The following MANEAL variants were observed in gnomAD, a reference collection of about 807,000 sequenced individuals.
MANEAL encodes the protein glycoprotein endo-alpha-1,2-mannosidase-like protein.
A neutral mutation model predicts 35.9 loss-of-function variants in MANEAL; 28 were observed. The ratio of observed to expected loss-of-function variants is 0.78; its 90% CI spans 0.58 to 1.07. The LOEUF (loss-of-function observed/expected upper bound fraction) is 1.07. MANEAL is among the 50% of genes least tolerant of loss of function. The pLI is 0.00. For synonymous variants in MANEAL, 286 were observed against 272.2 expected (o/e 1.05, Z -0.50); for missense variants, 576 against 629.6 (o/e 0.91, Z 0.91).
Position 37,799,528 on chromosome 1 carries a change from C to A in MANEAL, c.738-39C>A. On this transcript the variant is annotated intron_variant, in intron 3 of 3. Coordinates refer to ENST00000373045, the MANE Select transcript of MANEAL (RefSeq NM_001113482.2). The surrounding 1 kb of genome is among the most constrained non-coding windows in gnomAD (Gnocchi z 4.1). ...CGGGAGGTCCTACAGCTGTGCTGGT[C>A]TCTCCCATCCAGCTGAGGCTCTTCT... 6.3e-7 allele frequency: 1 copy of A among 1,588,238 alleles called. No individual in the cohort carries two copies. The highest frequency in any genetic ancestry group is 1.1e-5 in the South Asian group (1 of 87,520).
Position 37,794,300 on chromosome 1 carries a change from C to G in MANEAL, c.118C>G (p.Pro40Ala). 1 of 1,212,328 alleles carries G rather than the reference C, an allele frequency of 8.2e-7. No individual in the cohort carries two copies. The highest frequency in any genetic ancestry group is 1.0e-6 in the Non-Finnish European group (1 of 966,092). 75.1% of individuals were successfully genotyped at this position (1,212,328 alleles called of 1,614,324 possible). Residue 40 changes from proline to alanine, a missense_variant, in exon 1 of 4, where the codon CCG (proline) becomes GCG (alanine). Transcript: ENST00000373045. This position sits in a 1 kb window ranked among gnomAD's most constrained non-coding sequence, Gnocchi z 5.7. ...TCCGGACGGACTCCCGGCGCTGGGCCCGGGCCTGGAGCTGGCGCCCTTTGA... is the reference window on the plus strand; with the variant it reads ...TCCGGACGGACTCCCGGCGCTGGGCGCGGGCCTGGAGCTGGCGCCCTTTGA... Reference protein sequence around the residue: ...KAPDGLPALGPGLELAPFERR... With the variant: ...KAPDGLPALGAGLELAPFERR...
chr1:37,795,493 A>G (rs1646637832), intron 1 of MANEAL: 7 of 1,339,112 alleles, frequency 5.2e-6, no homozygotes, highest in South Asian at 4.6e-5. Context: ...GAGGCAGTCT[A>G]AAGCCTGGCT....
chr1:37,794,676 C>T lies in MANEAL; in HGVS notation c.494C>T (p.Ser165Phe), dbSNP rs764875842. ...SFYPELGPYS[S>F]RDPEVLREHM... ...TACCCGGAGCTGGGGCCCTACAGCT[C>T]CCGGGACCCCGAAGTGCTGCGGGAG... Residue 165 changes from serine to phenylalanine, a missense_variant, in exon 1 of 4, where the codon TCC becomes TTC. Ser to Phe is a radical substitution (Grantham distance 155). Coordinates refer to ENST00000373045, the MANE Select transcript of MANEAL (RefSeq NM_001113482.2). This position sits in a 1 kb window ranked among gnomAD's most constrained non-coding sequence, Gnocchi z 5.7. The T allele has an allele frequency of 3.0e-5, 49 of 1,608,678 alleles. No individual in the cohort carries two copies. The highest frequency in any genetic ancestry group is 5.3e-5 in the African/African-American group (4 of 74,848).
At position 37,794,137 on chromosome 1, in the gene MANEAL, G is replaced by T. The variant is rs1557571920; in HGVS notation, c.-46G>T. On this transcript the variant is annotated 5_prime_UTR_variant, in exon 1 of 4. Coordinates refer to ENST00000373045, the MANE Select transcript of MANEAL (RefSeq NM_001113482.2). The surrounding 1 kb of genome is among the most constrained non-coding windows in gnomAD (Gnocchi z 5.7). Reference sequence around the variant, plus strand: ...CGGCCGGGCGGGCGGCCATGGCGCGGCACGCTGGGAGGTAGCGCGGCGGCT... The same window carrying T: ...CGGCCGGGCGGGCGGCCATGGCGCGTCACGCTGGGAGGTAGCGCGGCGGCT... 9.0e-7 allele frequency: 1 copy of T among 1,110,458 alleles called. No individual in the cohort carries two copies. The highest frequency in any genetic ancestry group is 3.9e-5 in the South Asian group (1 of 25,768). 68.8% of individuals were successfully genotyped at this position (1,110,458 alleles called of 1,614,324 possible). A position where few individuals can be genotyped will look rare whatever the true frequency, so the allele number is the denominator to read the frequency against.
rs1646692095 is a variant in MANEAL, at chr1:37,800,825, A to T, written c.*622A>T. On this transcript the variant is annotated 3_prime_UTR_variant, in exon 4 of 4. Coordinates refer to ENST00000373045, the MANE Select transcript of MANEAL (RefSeq NM_001113482.2). ...GCTGGGGAAAACTTGACCAAGGAAGAGTTCCTGTCCTGAAGCTTCCAGGAC... is the reference window on the plus strand; with the variant it reads ...GCTGGGGAAAACTTGACCAAGGAAGTGTTCCTGTCCTGAAGCTTCCAGGAC... 1 of 152,988 alleles carries T rather than the reference A, an allele frequency of 6.5e-6. No individual in the cohort carries two copies. Among genetic ancestry groups the T allele is most frequent in the African/African-American group, 2.4e-5 (1 of 41,452 alleles). 9.5% of individuals were successfully genotyped at this position (152,988 alleles called of 1,614,324 possible). A position where few individuals can be genotyped will look rare whatever the true frequency, so the allele number is the denominator to read the frequency against.
chr1:37,795,459 A>C (rs563153981), intron 1 of MANEAL: 2 of 1,262,246 alleles, frequency 1.6e-6, no homozygotes, highest in Admixed American at 6.9e-5. Flanking sequence ...CTGTCCTCCC[A>C]TTCCCTTTGT....
At position 37,799,558 on chromosome 1, in the gene MANEAL, C is replaced by G. The variant is rs891597394; in HGVS notation, c.738-9C>G. ...CCATCCAGCTGAGGCTCTTCTTTCT[C>G]CTTCTCAGGTATGGCTCCCATGGTG... On this transcript the variant is annotated splice_polypyrimidine_tract_variant and intron_variant, in intron 3 of 3. Coordinates refer to ENST00000373045, the MANE Select transcript of MANEAL (RefSeq NM_001113482.2). This position sits in a 1 kb window ranked among gnomAD's most constrained non-coding sequence, Gnocchi z 4.1. 22 of 1,609,330 alleles carry G rather than the reference C, an allele frequency of 1.4e-5. No homozygotes were observed. The highest frequency in any genetic ancestry group is 2.2e-5 in the East Asian group (1 of 44,840).
At chr1:37,797,300 C>A (rs1288938703) in intron 3 of MANEAL, among the ~76,000 whole-genome samples, 9 of 151,744 alleles carry the variant, frequency 5.9e-5, no homozygotes, top group Admixed American at 5.9e-4. Flanking sequence ...ATTCAGGAGG[C>A]TGAGGCAGGA....
Position 37,800,714 on chromosome 1 carries a change from C to A in MANEAL, c.*511C>A, listed in dbSNP as rs1298539329. ...AGGTTTAAGCTCCTCCCAGTAGATT[C>A]CTGAACCCAATTATCAGGAAATCAT... On this transcript the variant is annotated 3_prime_UTR_variant, in exon 4 of 4. Coordinates refer to ENST00000373045, the MANE Select transcript of MANEAL (RefSeq NM_001113482.2). The A allele has an allele frequency of 6.2e-6, 1 of 162,520 alleles. No individual in the cohort carries two copies. 10.1% of individuals were successfully genotyped at this position (162,520 alleles called of 1,614,324 possible).
In MANEAL at chr1:37,799,419, G is replaced by A; in HGVS notation, c.738-148G>A. The stretch of plus-strand genomic sequence containing the variant: ...CTGGAGAGAGGAAGGAGGGAACCAG[G>A]TTCTTGCTTAGAGGCATGATGACTC... On this transcript the variant is annotated intron_variant, in intron 3 of 3. Coordinates refer to ENST00000373045, the MANE Select transcript of MANEAL (RefSeq NM_001113482.2). This position sits in a 1 kb window ranked among gnomAD's most constrained non-coding sequence, Gnocchi z 4.1. 1 of 885,426 alleles carries A rather than the reference G, an allele frequency of 1.1e-6. No individual in the cohort carries two copies. The highest frequency in any genetic ancestry group is 2.6e-5 in the Admixed American group (1 of 38,330). 54.8% of individuals were successfully genotyped at this position (885,426 alleles called of 1,614,324 possible). A position where few individuals can be genotyped will look rare whatever the true frequency, so the allele number is the denominator to read the frequency against.
chr1:37,794,424 G>C lies in MANEAL; in HGVS notation c.242G>C (p.Gly81Ala). The change falls in exon 1 of 4, where the codon GGC becomes GCC. Residue 81 changes from glycine to alanine, a missense_variant. Around this residue, in one of 3 missense-constraint regions of MANEAL, gnomAD observed 449 missense variants for 516.1 expected, o/e 0.87. Coordinates refer to ENST00000373045, the MANE Select transcript of MANEAL (RefSeq NM_001113482.2). This position sits in a 1 kb window ranked among gnomAD's most constrained non-coding sequence, Gnocchi z 5.7. ...PPPPPRTADPGGSPGPAPAEA... is the reference protein window; with the variant it reads ...PPPPPRTADPAGSPGPAPAEA... ...CCGCCGCCCCGCACCGCGGACCCTGGCGGCTCCCCTGGGCCGGCACCCGCG... is the reference window on the plus strand; with the variant it reads ...CCGCCGCCCCGCACCGCGGACCCTGCCGGCTCCCCTGGGCCGGCACCCGCG... 1.4e-6 allele frequency: 2 copies of C among 1,389,190 alleles called. No individual in the cohort carries two copies. Among genetic ancestry groups the C allele is most frequent in the Non-Finnish European group, 1.9e-6 (2 of 1,057,510 alleles). The allele number at this position is 1,389,190 out of a possible 1,614,324, so 86.1% of individuals were successfully genotyped here.
Position 37,794,947 on chromosome 1 carries a change from C to T in MANEAL, c.550+215C>T, listed in dbSNP as rs555220448. On this transcript the variant is annotated intron_variant, in intron 1 of 3. Transcript: ENST00000373045. This position sits in a 1 kb window ranked among gnomAD's most constrained non-coding sequence, Gnocchi z 5.7. ...ACCCCCCAGCTGGGCCCTTCCATCC[C>T]TAACATCCAGGGCCCTTCCCATAGG... Among the ~76,000 whole-genome samples, 7 of 152,330 alleles carry T rather than the reference C, an allele frequency of 4.6e-5. No individual in the cohort carries two copies. Among genetic ancestry groups the T allele is most frequent in the Admixed American group, 2.0e-4 (3 of 15,306 alleles).
chr1:37,795,869 C>G, intron 2 of MANEAL, 23 bp downstream of exon 2: 1 of 1,595,712 alleles, frequency 6.3e-7, no homozygotes, highest in Non-Finnish European at 8.6e-7. Flanking sequence ...GAAGAGGCCA[C>G]GTGCTCTCTG....
Position 37,800,018 on chromosome 1 carries a change from G to A in MANEAL, c.1189G>A (p.Glu397Lys), listed in dbSNP as rs566602599. 8.1e-6 allele frequency: 13 copies of A among 1,614,202 alleles called. No individual in the cohort carries two copies. The highest frequency in any genetic ancestry group is 5.5e-5 in the South Asian group (5 of 91,084). Reference protein sequence around the residue: ...ALQAALTVRPEIVSITSFNEW... With the variant: ...ALQAALTVRPKIVSITSFNEW... Reference sequence around the variant, plus strand: ...GCAGGCGGCCCTGACAGTGAGGCCCGAGATCGTTTCCATTACCTCCTTCAA... The same window carrying A: ...GCAGGCGGCCCTGACAGTGAGGCCCAAGATCGTTTCCATTACCTCCTTCAA... Residue 397 changes from glutamate to lysine, a missense_variant, in exon 4 of 4, where the codon GAG (glutamate) becomes AAG (lysine). Physicochemically the swap from Glu to Lys is moderately conservative, Grantham distance 56. This residue lies in a region of MANEAL where 449 missense variants were observed against 516.1 expected (regional missense o/e 0.87). Transcript: ENST00000373045.
At position 37,794,245 on chromosome 1, in the gene MANEAL, C is replaced by T. The variant is rs1220823457; in HGVS notation, c.63C>T (p.Gly21=). The T allele has an allele frequency of 1.1e-5, 15 of 1,336,794 alleles. No homozygotes were observed. Among genetic ancestry groups the T allele is most frequent in the Middle Eastern group, 2.1e-4 (1 of 4,808 alleles). 82.8% of individuals were successfully genotyped at this position (1,336,794 alleles called of 1,614,324 possible). A position where few individuals can be genotyped will look rare whatever the true frequency, so the allele number is the denominator to read the frequency against. The change falls in exon 1 of 4, where the codon GGC becomes GGT. Residue 21 remains glycine (G), a synonymous_variant. Coordinates refer to ENST00000373045, the MANE Select transcript of MANEAL (RefSeq NM_001113482.2). The surrounding 1 kb of genome is among the most constrained non-coding windows in gnomAD (Gnocchi z 5.7). Reference sequence around the variant, plus strand: ...TCCTGGTGCTGCTCTTCGCCTTCGGCACCCTCATGGGTCTGCGCACGCTCA... The same window carrying T: ...TCCTGGTGCTGCTCTTCGCCTTCGGTACCCTCATGGGTCTGCGCACGCTCA... The part of the protein sequence containing the change: ...ALFLVLLFAF[G]TLMGLRTLKA...
intron 3 of MANEAL, among the ~76,000 whole-genome samples, chr1:37,798,258 CATA>C (rs1254687889): frequency 9.2e-5 from 14 of 152,220 alleles, no homozygotes; most frequent in Admixed American, 5.2e-4. Flanking sequence ...TTTCTGATTT[CATA>C]ATGTTTACTT....
Position 37,794,464 on chromosome 1 carries a change from C to A in MANEAL, c.282C>A (p.Ala94=), listed in dbSNP as rs777474120. ...PGPAPAEAEP[A]PVQSLRVYSD... ...CGGCACCCGCGGAGGCCGAGCCCGC[C>A]CCCGTGCAGAGCCTGCGCGTCTACT... is the stretch of plus-strand genomic sequence containing the variant. Residue 94 remains alanine (A), a synonymous_variant, in exon 1 of 4, where the codon GCC becomes GCA. Coordinates refer to ENST00000373045, the MANE Select transcript of MANEAL (RefSeq NM_001113482.2). This position sits in a 1 kb window ranked among gnomAD's most constrained non-coding sequence, Gnocchi z 5.7. 50 of 1,573,934 alleles carry A rather than the reference C, an allele frequency of 3.2e-5. No homozygotes were observed. The highest frequency in any genetic ancestry group is 4.2e-5 in the Non-Finnish European group (49 of 1,161,390).
rs777947637 is a variant in MANEAL at position 37,799,887 on chromosome 1, T to C, written c.1058T>C (p.Met353Thr). 2 of 1,614,212 alleles carry C rather than the reference T, an allele frequency of 1.2e-6. No homozygotes were observed. The highest frequency in any genetic ancestry group is 1.7e-6 in the Non-Finnish European group (2 of 1,180,036). Residue 353 changes from methionine (M) to threonine (T), a missense_variant, in exon 4 of 4, where the codon ATG (methionine) becomes ACG (threonine). Met to Thr is a moderately conservative substitution (Grantham distance 81, BLOSUM62 -1). Coordinates refer to ENST00000373045, the MANE Select transcript of MANEAL (RefSeq NM_001113482.2). The surrounding 1 kb of genome is among the most constrained non-coding windows in gnomAD (Gnocchi z 4.1). ...VKNFCDANNL[M>T]FIPSVGPGYI... ...AACTTTTGTGATGCCAACAACCTCA[T>C]GTTCATCCCCAGTGTGGGGCCTGGC...
chr1:37,794,074 C>T lies in MANEAL; in HGVS notation c.-109C>T. The stretch of plus-strand genomic sequence containing the variant: ...GGGACAGGCCGGGCGCCGCCCACGC[C>T]GCGCTCTGCCGGGCGCACAGTCTGC... On this transcript the variant is annotated 5_prime_UTR_variant, in exon 1 of 4. Transcript: ENST00000373045. The surrounding 1 kb of genome is among the most constrained non-coding windows in gnomAD (Gnocchi z 5.7). 1 of 739,876 alleles carries T rather than the reference C, an allele frequency of 1.4e-6. No individual in the cohort carries two copies. The highest frequency in any genetic ancestry group is 1.7e-6 in the Non-Finnish European group (1 of 594,078). 45.8% of individuals were successfully genotyped at this position (739,876 alleles called of 1,614,324 possible). A position where few individuals can be genotyped will look rare whatever the true frequency, so the allele number is the denominator to read the frequency against.
Sources: gnomAD v4.1 joint callset for allele counts (sites outside exome capture counted in the v4.1 genomes callset) on GRCh38, gnomAD v4.1.1 for gene constraint, gnomAD v4.1.1 regional missense constraint, Gnocchi (gnomAD v3.1) non-coding constraint, MANE v1.5 for transcripts, NCBI Gene and HGNC (gene_info 2026-07-23, HGNC 2026-07-21) for gene names.